The following PRKCQ variants were observed in gnomAD, a reference collection of about 807,000 sequenced individuals.
PRKCQ encodes the protein protein kinase C theta.
PRKCQ carries 41 observed loss-of-function variants against 91.2 expected under a neutral mutation model. The observed-to-expected ratio is 0.45, with a 90% CI of 0.35 to 0.58. The LOEUF is 0.58. PRKCQ is among the 20% of genes least tolerant of loss of function. The pLI, the probability that PRKCQ is intolerant of heterozygous loss-of-function variation, is 0.00. For synonymous variants in PRKCQ, 307 were observed against 316.9 expected (o/e 0.97, Z 0.33); for missense variants, 673 against 896.5 (o/e 0.75, Z 3.18).
chr10:6,573,161 C>T (rs1841104097), intron 1 of PRKCQ, among the ~76,000 whole-genome samples: 2 of 151,996 alleles, frequency 1.3e-5, no homozygotes, highest in Admixed American at 6.6e-5. Context: ...TTGTTATCAC[C>T]CCCAAAATTA....
chr10:6,483,038 G>C (rs112276019), intron 11 of PRKCQ, among the ~76,000 whole-genome samples: 2 of 152,134 alleles, frequency 1.3e-5, no homozygotes, highest in Non-Finnish European at 2.9e-5. Flanking sequence ...ATATTTAATA[G>C]AGAGAGAAAA....
intron 14 of PRKCQ, among the ~76,000 whole-genome samples, chr10:6,460,064 A>T (rs1835239064): frequency 6.6e-6 from 1 of 152,234 alleles, no homozygotes; most frequent in African/African-American, 2.4e-5. Flanking sequence ...ATTATGCAGC[A>T]GGCCAGTTTT....
chr10:6,513,447 CAA>C (rs58606251), intron 2 of PRKCQ, among the ~76,000 whole-genome samples: 28,026 of 105,342 alleles, frequency 0.27, 2,394 homozygotes, highest in Middle Eastern at 0.32. Context: ...AGGCCAAATG[CAA>C]AAAAAAAAAA....
chr10:6,451,139 C>A lies in PRKCQ; in HGVS notation c.1647+5535G>T, dbSNP rs889482631. Among the ~76,000 whole-genome samples, 6 of 150,556 alleles carry A rather than the reference C, an allele frequency of 4.0e-5. No homozygotes were observed. The East Asian group carries it at 1.2e-3, about 30-fold the overall frequency. ...TTCAAAAAATTAATGAATCCAGGAG[C>A]TGGTTTTTTGAAAGGATCAACAAAA... On this transcript the variant is annotated intron_variant, in intron 15 of 17. Coordinates refer to ENST00000263125, the MANE Select transcript of PRKCQ (RefSeq NM_006257.5).
At chr10:6,435,738 T>C (rs1833668951) in intron 16 of PRKCQ, among the ~76,000 whole-genome samples, 2 of 152,216 alleles carry the variant, frequency 1.3e-5, no homozygotes, top group South Asian at 2.1e-4. Flanking sequence ...CGTAATGTCA[T>C]AAAGTTTAGG....
the PRKCQ span, among the ~76,000 whole-genome samples, chr10:6,402,051 G>C: frequency 6.6e-6 from 1 of 152,042 alleles, no homozygotes; most frequent in Non-Finnish European, 1.5e-5. Flanking sequence ...GAACACAGAC[G>C]CTGCAAAGAA....
chr10:6,397,211 G>A, the PRKCQ span, among the ~76,000 whole-genome samples: 20 of 152,066 alleles, frequency 1.3e-4, no homozygotes, highest in African/African-American at 2.7e-4. Context: ...ATTCTCTTGC[G>A]TCAGCCTCCC....
intron 10 of PRKCQ, among the ~76,000 whole-genome samples, chr10:6,484,827 T>C (rs1176657694): frequency 1.3e-5 from 2 of 152,204 alleles, no homozygotes; most frequent in Non-Finnish European, 2.9e-5. Flanking sequence ...ATGTCTTCTG[T>C]GGCCTTCCCA....
intron 1 of PRKCQ, among the ~76,000 whole-genome samples, chr10:6,530,891 GCTTACGGGA>G (rs1839367437): frequency 6.6e-6 from 1 of 152,194 alleles, no homozygotes; most frequent in South Asian, 2.1e-4. Context: ...CATTGTTCTA[GCTTACGGGA>G]CTCTCTATTT....
At chr10:6,443,410 T>C (rs4750461) in intron 15 of PRKCQ, among the ~76,000 whole-genome samples, 30,293 of 152,162 alleles carry the variant, frequency 0.2, 3,857 homozygotes, top group Non-Finnish European at 0.27. Flanking sequence ...ATATGGACTC[T>C]AAGTGTCCAT....
intron 1 of PRKCQ, among the ~76,000 whole-genome samples, chr10:6,563,990 G>T (rs559884254): frequency 6.6e-6 from 1 of 152,186 alleles, no homozygotes; most frequent in Non-Finnish European, 1.5e-5. Context: ...GCAAAGTAAC[G>T]ATGTGAGCGT....
At chr10:6,475,443 T>G (rs909289404) in intron 12 of PRKCQ, among the ~76,000 whole-genome samples, 1 of 152,186 alleles carries the variant, frequency 6.6e-6, no homozygotes, top group African/African-American at 2.4e-5. Flanking sequence ...AGGTGATATA[T>G]CCCTCATCTA....
intron 1 of PRKCQ, among the ~76,000 whole-genome samples, chr10:6,554,007 T>A (rs548890053): frequency 5.5e-4 from 84 of 152,018 alleles, no homozygotes; most frequent in African/African-American, 1.9e-3. Context: ...ACATCAAGTC[T>A]CGGAGCACTC....
intron 15 of PRKCQ, among the ~76,000 whole-genome samples, chr10:6,447,160 G>C (rs1249123080): frequency 6.6e-6 from 1 of 152,168 alleles, no homozygotes; most frequent in African/African-American, 2.4e-5. Flanking sequence ...TGTAATCCCA[G>C]CACTTTGGGA....
chr10:6,405,297 A>T, the PRKCQ span, among the ~76,000 whole-genome samples: 1 of 152,152 alleles, frequency 6.6e-6, no homozygotes, highest in Non-Finnish European at 1.5e-5. Flanking sequence ...TCTGTTTTTC[A>T]TAGTGAGAGC....
chr10:6,440,969 G>A (rs1335941609), intron 16 of PRKCQ, among the ~76,000 whole-genome samples: 3 of 152,120 alleles, frequency 2.0e-5, no homozygotes, highest in East Asian at 3.9e-4. Flanking sequence ...GCCTGGGTGA[G>A]GGAGTGAGAC....
At chr10:6,423,905 CAG>C (rs1564282540), downstream of PRKCQ, among the ~76,000 whole-genome samples, 1 of 152,156 alleles carries the variant, frequency 6.6e-6, no homozygotes, top group East Asian at 1.9e-4. Flanking sequence ...CCCACACAGA[CAG>C]AGGATTGTAG....
intron 11 of PRKCQ, among the ~76,000 whole-genome samples, chr10:6,481,305 A>G (rs1419145619): frequency 6.6e-6 from 1 of 152,264 alleles, no homozygotes; most frequent in Non-Finnish European, 1.5e-5. Context: ...TTAACAATTA[A>G]AAGTCCTCTT....
At position 6,564,913 on chromosome 10, in the gene PRKCQ, C is replaced by T. The variant is rs116620212; in HGVS notation, c.-10+15298G>A. On this transcript the variant is annotated intron_variant, in intron 1 of 17. Coordinates refer to ENST00000263125, the MANE Select transcript of PRKCQ (RefSeq NM_006257.5). ...GTACTTCATCCTTAATTACTTGCTA[C>T]CAAATCCCATTTCAAGCCTTTGTCA... 2.1e-3 allele frequency among the ~76,000 whole-genome samples: 315 copies of T among 152,304 alleles called. 2 individuals are homozygous for T. Among genetic ancestry groups the T allele is most frequent in the African/African-American group, 7.2e-3 (300 of 41,562 alleles).
Sources: allele counts gnomAD v4.1 joint callset (sites outside exome capture counted in the v4.1 genomes callset), GRCh38; gene constraint gnomAD v4.1.1; transcripts MANE v1.5; gene names NCBI Gene and HGNC (gene_info 2026-07-23, HGNC 2026-07-21).